The following XKR5 variants were observed in gnomAD, a reference collection of about 807,000 sequenced individuals.
XKR5 encodes the protein XK-related protein 5.
XKR5 carries 46 observed loss-of-function variants against 40.8 expected under a neutral mutation model. That is an observed-to-expected ratio of 1.13 (90% CI 0.89 to 1.44). The LOEUF (loss-of-function observed/expected upper bound fraction) is 1.44. Among genes scored for constraint, XKR5 ranks in the 40% most tolerant of loss-of-function variants. The pLI is 0.00. For missense variants in XKR5, 1,169 were observed against 844.7 expected, an observed-to-expected ratio of 1.38 and a Z score of -4.76; for synonymous variants, 466 against 356.1, an observed-to-expected ratio of 1.31 and a Z score of -3.48.
Position 6,811,261 on chromosome 8 carries a change from C to T in XKR5, c.1998G>A (p.Glu666=). 1.3e-6 allele frequency: 2 copies of T among 1,537,330 alleles called. 1 individual carries two copies. The highest frequency in any genetic ancestry group is 2.4e-5 in the South Asian group (2 of 84,060). The change falls in exon 7 of 7, where the codon GAG becomes GAA. Residue 666 remains glutamate (E), a synonymous_variant. Coordinates refer to ENST00000618742, the MANE Select transcript of XKR5 (RefSeq NM_207411.5). ...EPCLTSTPKS[E]SIQTDCSCRE... ...TGCAGCTGCAGTCCGTTTGGATAGACTCAGACTTAGGGGTGGACGTGAGGC... is the reference window on the plus strand; with the variant it reads ...TGCAGCTGCAGTCCGTTTGGATAGATTCAGACTTAGGGGTGGACGTGAGGC...
At chr8:6,835,045 C>G (rs566488190) in intron 1 of XKR5, among the ~76,000 whole-genome samples, 1 of 152,172 alleles carries the variant, frequency 6.6e-6, no homozygotes, top group Non-Finnish European at 1.5e-5. Flanking sequence ...GCGCTCAGCA[C>G]ATCTTGGCAT....
chr8:6,825,373 G>T (rs969016923), intron 2 of XKR5, 24 bp from the exon 3 acceptor site: 3 of 1,503,568 alleles, frequency 2.0e-6, no homozygotes, highest in Non-Finnish European at 1.8e-6. Flanking sequence ...GAGGGCACGT[G>T]ACACGGAGCC....
chr8:6,813,509 T>TGC (rs1803827843), intron 6 of XKR5, among the ~76,000 whole-genome samples: 1 of 152,174 alleles, frequency 6.6e-6, no homozygotes, highest in Non-Finnish European at 1.5e-5. Context: ...ACTCAGTGAA[T>TGC]ATTGGTCCCA....
intron 6 of XKR5, 48 bp from the exon 7 acceptor site, chr8:6,812,387 A>C: frequency 6.7e-7 from 1 of 1,483,268 alleles, no homozygotes; most frequent in Non-Finnish European, 9.0e-7. Flanking sequence ...TGAAGTCTGC[A>C]TCCTCCCTCT....
intron 2 of XKR5, among the ~76,000 whole-genome samples, chr8:6,826,151 G>A (rs1337680384): frequency 6.6e-6 from 1 of 152,188 alleles, no homozygotes; most frequent in Non-Finnish European, 1.5e-5. Context: ...GTGTGTGTAT[G>A]TATCTGCATG....
In XKR5 at chr8:6,811,158, T is replaced by C. The variant is rs1264786053; in HGVS notation, c.*40A>G. On this transcript the variant is annotated 3_prime_UTR_variant, in exon 7 of 7. Coordinates refer to ENST00000618742, the MANE Select transcript of XKR5 (RefSeq NM_207411.5). The stretch of plus-strand genomic sequence containing the variant: ...TTCTCACGGTACCAAATGGCCAGCT[T>C]GGTTTGTCAGCCTGTTGTCTTATCC... 2.7e-6 allele frequency: 4 copies of C among 1,495,902 alleles called. No individual in the cohort carries two copies. The African/African-American group carries it at 5.6e-5, about 21-fold the overall frequency. 92.7% of individuals were successfully genotyped at this position (1,495,902 alleles called of 1,614,324 possible).
intron 2 of XKR5, among the ~76,000 whole-genome samples, chr8:6,829,964 A>G (rs978836421): frequency 6.7e-6 from 1 of 149,490 alleles, no homozygotes; most frequent in Non-Finnish European, 1.5e-5. Flanking sequence ...CAGCCTCCCA[A>G]GTAGCTGGGA....
chr8:6,822,953 C>T (rs1563355979), intron 4 of XKR5, among the ~76,000 whole-genome samples: 3 of 152,184 alleles, frequency 2.0e-5, no homozygotes, highest in Admixed American at 6.5e-5. Flanking sequence ...TCAGGTGAGG[C>T]AAGTGGGACC....
chr8:6,828,341 A>G (rs148235893), intron 2 of XKR5, among the ~76,000 whole-genome samples: 1 of 152,258 alleles, frequency 6.6e-6, no homozygotes, highest in African/African-American at 2.4e-5. Context: ...GGCACAGGGT[A>G]CAAGGCACTG....
intron 2 of XKR5, among the ~76,000 whole-genome samples, chr8:6,829,658 G>A (rs982155361): frequency 6.6e-6 from 1 of 152,126 alleles, no homozygotes; most frequent in Non-Finnish European, 1.5e-5. Context: ...TGGCATTACA[G>A]GTGTGCGTGA....
chr8:6,813,827 C>G (rs964922298), intron 6 of XKR5, among the ~76,000 whole-genome samples: 4 of 152,182 alleles, frequency 2.6e-5, no homozygotes, highest in African/African-American at 9.7e-5. Context: ...TGGAGTGGAA[C>G]TGGAAGGAAA....
intron 6 of XKR5, among the ~76,000 whole-genome samples, 154 bp from the exon 7 acceptor site, chr8:6,812,493 G>A (rs367683425): frequency 6.6e-6 from 1 of 152,156 alleles, no homozygotes; most frequent in Non-Finnish European, 1.5e-5. Flanking sequence ...TGGATATTTC[G>A]GGGGAATTTA....
At position 6,811,281 on chromosome 8, in the gene XKR5, T is replaced by C; in HGVS notation, c.1978A>G (p.Thr660Ala). 1 of 1,537,302 alleles carries C rather than the reference T, an allele frequency of 6.5e-7. No individual in the cohort carries two copies. Among genetic ancestry groups the C allele is most frequent in the Non-Finnish European group, 8.7e-7 (1 of 1,146,922 alleles). The change falls in exon 7 of 7, where the codon ACG (threonine) becomes GCG (alanine). Residue 660 changes from threonine to alanine, a missense_variant. Transcript: ENST00000618742. ...ATAGACTCAGACTTAGGGGTGGACG[T>C]GAGGCAGGGCTCATGGGCAGTCCTC... ...QLRTAHEPCL[T>A]STPKSESIQT...
chr8:6,828,685 T>C (rs1804628625), intron 2 of XKR5, among the ~76,000 whole-genome samples: 1 of 152,242 alleles, frequency 6.6e-6, no homozygotes, highest in Admixed American at 6.5e-5. Context: ...CCTGGATTTC[T>C]GGCTGCCTGC....
chr8:6,826,529 A>T (rs988499579), intron 2 of XKR5, among the ~76,000 whole-genome samples: 2 of 152,162 alleles, frequency 1.3e-5, no homozygotes, highest in Non-Finnish European at 2.9e-5. Flanking sequence ...GGGAAGTTGC[A>T]GTGGCTTTGA....
In XKR5 at chr8:6,823,711, G is replaced by A. The variant is rs1326970817; in HGVS notation, c.447C>T (p.Ser149=). ...DIVPGVSTLF[S]WSSLSWALVS... is the part of the protein sequence containing the mutation. ...CCAGTGCCCAGGAGAGTGAGGACCA[G>A]GAAAACAGGGTGCTCACCCCTGAAA... The change falls in exon 4 of 7, where the codon TCC becomes TCT. Residue 149 remains serine, a synonymous_variant. Transcript: ENST00000618742. The A allele has an allele frequency of 6.3e-6, 10 of 1,582,212 alleles. No homozygotes were observed. The highest frequency in any genetic ancestry group is 7.7e-6 in the Non-Finnish European group (9 of 1,164,374).
At chr8:6,825,923 C>A (rs572244826) in intron 2 of XKR5, among the ~76,000 whole-genome samples, 7 of 152,088 alleles carry the variant, frequency 4.6e-5, no homozygotes, top group Non-Finnish European at 5.9e-5. Context: ...GAGCACCATG[C>A]GGAGCTTGGA....
At chr8:6,832,614 T>C in intron 2 of XKR5, 103 bp downstream of exon 2, 1 of 1,474,246 alleles carries the variant, frequency 6.8e-7, no homozygotes, top group Admixed American at 2.0e-5. Flanking sequence ...TTCCCAATGC[T>C]GAACTTTTAT....
intron 2 of XKR5, among the ~76,000 whole-genome samples, chr8:6,826,738 G>T (rs1327165924): frequency 6.6e-6 from 1 of 152,172 alleles, no homozygotes; most frequent in Admixed American, 6.5e-5. Context: ...TGTGAAGACA[G>T]CATAGACCAA....
Sources: allele counts gnomAD v4.1 joint callset (sites outside exome capture counted in the v4.1 genomes callset), GRCh38; gene constraint gnomAD v4.1.1; transcripts MANE v1.5; gene names NCBI Gene and HGNC (gene_info 2026-07-23, HGNC 2026-07-21).